Variants in ADAMTSL3 observed in about 807,000 individuals in gnomAD.
ADAMTSL3 encodes ADAMTS like 3, also known as ADAMTS-like protein 3.
A neutral mutation model predicts 201.7 loss-of-function variants in ADAMTSL3; 128 were observed. The ratio of observed to expected loss-of-function variants is 0.63; its 90% CI spans 0.55 to 0.73. The LOEUF (loss-of-function observed/expected upper bound fraction) is 0.73, where lower values mean the gene tolerates loss of function less well. ADAMTSL3 is among the 30% of genes least tolerant of loss of function. The pLI is 0.00. For missense variants in ADAMTSL3, 1,990 were observed against 2,119.6 expected (o/e 0.94, Z 1.20); for synonymous variants, 738 against 748.4 (o/e 0.99, Z 0.23).
chr15:83,661,080 T>A (rs1199953437), intron 2 of ADAMTSL3, among the ~76,000 whole-genome samples: 10 of 146,738 alleles, frequency 6.8e-5, no homozygotes, highest in African/African-American at 2.5e-4. Flanking sequence ...TTGTCAAAGA[T>A]CAGATAGTTG....
At chr15:83,921,804 C>T (rs535357482) in intron 16 of ADAMTSL3, among the ~76,000 whole-genome samples, 1 of 150,440 alleles carries the variant, frequency 6.6e-6, no homozygotes, top group Admixed American at 6.6e-5. Context: ...CTCACCCCAG[C>T]CCCCCGAGTA....
chr15:83,951,094 C>T (rs1359397413), intron 19 of ADAMTSL3, among the ~76,000 whole-genome samples: 1 of 151,094 alleles, frequency 6.6e-6, no homozygotes, highest in Non-Finnish European at 1.5e-5. Flanking sequence ...TGTCTTTTTC[C>T]AGATATTACA....
At chr15:83,770,479 T>G (rs1596174321) in intron 3 of ADAMTSL3, among the ~76,000 whole-genome samples, 1 of 152,242 alleles carries the variant, frequency 6.6e-6, no homozygotes, top group Admixed American at 6.5e-5. Context: ...CTGGTACATT[T>G]TGCGTATATA....
At chr15:83,920,936 C>G (rs1377149251) in intron 16 of ADAMTSL3, among the ~76,000 whole-genome samples, 1 of 152,026 alleles carries the variant, frequency 6.6e-6, no homozygotes, top group Non-Finnish European at 1.5e-5. Flanking sequence ...TTCAAGTTTC[C>G]CCCCACTTAT....
At chr15:83,751,266 G>A (rs184054818) in intron 3 of ADAMTSL3, among the ~76,000 whole-genome samples, 26 of 152,256 alleles carry the variant, frequency 1.7e-4, no homozygotes, top group Admixed American at 8.5e-4. Context: ...TAATTTCAAC[G>A]TTATTAAAAT....
intron 2 of ADAMTSL3, among the ~76,000 whole-genome samples, chr15:83,672,287 A>C (rs1452025527): frequency 6.6e-6 from 1 of 152,182 alleles, no homozygotes; most frequent in Non-Finnish European, 1.5e-5. Flanking sequence ...ATGCAAAAAT[A>C]AGGTGTCAGT....
chr15:83,863,007 T>C (rs1164620170), intron 8 of ADAMTSL3: 1 of 151,784 alleles, frequency 6.6e-6, no homozygotes, highest in Non-Finnish European at 1.5e-5. Context: ...CCAACAAAGA[T>C]CAAAAGAGAC....
At chr15:83,927,896 T>C (rs112899315) in intron 17 of ADAMTSL3, among the ~76,000 whole-genome samples, 1 of 152,106 alleles carries the variant, frequency 6.6e-6, no homozygotes, top group African/African-American at 2.4e-5. Context: ...AGTACTCTCT[T>C]TCTAGAAAGA....
At chr15:83,824,007 C>G (rs534181577) in intron 6 of ADAMTSL3, among the ~76,000 whole-genome samples, 158 of 127,596 alleles carry the variant, frequency 1.2e-3, no homozygotes, top group Middle Eastern at 9.0e-3. Context: ...CTTCTTCTTC[C>G]TCTTCTTTCT....
At chr15:83,932,560 G>A (rs2066379885) in intron 17 of ADAMTSL3, among the ~76,000 whole-genome samples, 1 of 152,184 alleles carries the variant, frequency 6.6e-6, no homozygotes, top group Non-Finnish European at 1.5e-5. Flanking sequence ...AAGAGAGATT[G>A]CAAGGAGAAC....
intron 2 of ADAMTSL3, among the ~76,000 whole-genome samples, chr15:83,697,949 A>T (rs753007525): frequency 6.6e-6 from 1 of 152,126 alleles, no homozygotes; most frequent in African/African-American, 2.4e-5. Context: ...GAGTAACCTC[A>T]TTAGAACAAA....
rs68098545 is a variant in ADAMTSL3, at chr15:83,801,651, A to AATATATATATATATATAT, written c.318-2972_318-2955dup. ...TTATATATATAAATATATAAATATA[A>AATATATATATATATATAT]ATATATATATATATATATATATATA... On this transcript the variant is annotated intron_variant, in intron 4 of 29. Transcript: ENST00000286744. Among the ~76,000 whole-genome samples the AATATATATATATATATAT allele has an allele frequency of 2.2e-3, 68 of 31,196 alleles. 4 individuals are homozygous for AATATATATATATATATAT. Among genetic ancestry groups the AATATATATATATATATAT allele is most frequent in the Non-Finnish European group, 2.9e-3 (44 of 14,922 alleles). The allele number at this position is 31,196 out of a possible 152,430, so 20.5% of individuals were successfully genotyped here. A position where few individuals can be genotyped will look rare whatever the true frequency, so the allele number is the denominator to read the frequency against.
rs888040735 is a variant in ADAMTSL3 at position 83,733,904 on chromosome 15, A to G, written c.189+29396A>G. Among the ~76,000 whole-genome samples the G allele has an allele frequency of 1.1e-4, 16 of 152,280 alleles. No homozygotes were observed. The East Asian group carries it at 3.1e-3, about 29-fold the overall frequency. On this transcript the variant is annotated intron_variant, in intron 3 of 29. Coordinates refer to ENST00000286744, the MANE Select transcript of ADAMTSL3 (RefSeq NM_207517.3). Reference sequence around the variant, plus strand: ...GGAAGTGACTTGGACATCAACCACAAAATGGCCCAGGGACCCCTTCCCACT... The same window carrying G: ...GGAAGTGACTTGGACATCAACCACAGAATGGCCCAGGGACCCCTTCCCACT...
chr15:83,968,324 A>C (rs1448061123), intron 19 of ADAMTSL3, among the ~76,000 whole-genome samples: 2 of 152,222 alleles, frequency 1.3e-5, no homozygotes, highest in Non-Finnish European at 2.9e-5. Context: ...AGGAACTTAA[A>C]CAAATTTACA....
intron 19 of ADAMTSL3, among the ~76,000 whole-genome samples, chr15:83,967,625 T>G (rs1408018689): frequency 6.6e-6 from 1 of 152,194 alleles, no homozygotes; most frequent in East Asian, 1.9e-4. Flanking sequence ...ATTTATAGAT[T>G]CAATGGTATC....
intron 9 of ADAMTSL3, among the ~76,000 whole-genome samples, chr15:83,883,340 T>A (rs2065315383): frequency 6.6e-6 from 1 of 150,992 alleles, no homozygotes; most frequent in African/African-American, 2.4e-5. Context: ...ACCCAGCTAA[T>A]TTTTGTATTT....
intron 4 of ADAMTSL3, among the ~76,000 whole-genome samples, chr15:83,790,301 A>G (rs1352544020): frequency 6.7e-6 from 1 of 149,316 alleles, no homozygotes; most frequent in Non-Finnish European, 1.5e-5. Context: ...ACAAACCAAT[A>G]TATCTCATGA....
chr15:83,965,040 A>G (rs2067051929), intron 19 of ADAMTSL3, among the ~76,000 whole-genome samples: 1 of 152,210 alleles, frequency 6.6e-6, no homozygotes, highest in African/African-American at 2.4e-5. Context: ...CATGGAAAGG[A>G]ACAACCGGTA....
chr15:83,986,847 A>G (rs540452010), intron 21 of ADAMTSL3, among the ~76,000 whole-genome samples: 1 of 152,318 alleles, frequency 6.6e-6, no homozygotes, highest in South Asian at 2.1e-4. Context: ...CTTTGTTATT[A>G]CTTCAAGTTA....
Sources: allele counts gnomAD v4.1 joint callset (sites outside exome capture counted in the v4.1 genomes callset), GRCh38; gene constraint gnomAD v4.1.1; transcripts MANE v1.5; gene names NCBI Gene and HGNC (gene_info 2026-07-23, HGNC 2026-07-21).